CDH12: variants seen among roughly 807,000 people sequenced by gnomAD.
CDH12 encodes cadherin-12.
CDH12 carries 41 observed loss-of-function variants against 74.1 expected under a neutral mutation model. That is an observed-to-expected ratio of 0.55 (90% CI 0.43 to 0.72). The LOEUF is 0.72. Ranked by LOEUF, CDH12 falls within the 30% of genes least tolerant of loss-of-function variation. The probability of loss-of-function intolerance (pLI) is 0.00; values close to 1 mark genes in which losing one functional copy is unlikely to be tolerated. For missense variants in CDH12, 945 were observed against 977.2 expected (o/e 0.97, Z 0.44); for synonymous variants, 399 against 355.0 (o/e 1.12, Z -1.39).
chr5:22,551,294 C>A (rs1738557180), intron 1 of CDH12, among the ~76,000 whole-genome samples: 1 of 152,144 alleles, frequency 6.6e-6, no homozygotes, highest in Non-Finnish European at 1.5e-5. Context: ...AATCTTCTGG[C>A]ACCTTGGTCT....
intron 5 of CDH12, among the ~76,000 whole-genome samples, chr5:22,048,269 A>G (rs1262005357): frequency 6.6e-6 from 1 of 152,234 alleles, no homozygotes; most frequent in Non-Finnish European, 1.5e-5. Context: ...TCCATGTACA[A>G]AGACAAAGGC....
intron 4 of CDH12, among the ~76,000 whole-genome samples, chr5:22,185,865 A>G (rs1749911219): frequency 6.6e-6 from 1 of 152,214 alleles, no homozygotes; most frequent in Admixed American, 6.5e-5. Context: ...GCTAAGGCGT[A>G]TGAAAGGAAG....
chr5:21,827,430 A>G (rs1748741432), intron 8 of CDH12, among the ~76,000 whole-genome samples: 1 of 152,146 alleles, frequency 6.6e-6, no homozygotes, highest in African/African-American at 2.4e-5. Flanking sequence ...AGGTTCTAGA[A>G]GAGGATAGGG....
At chr5:22,055,201 C>A (rs928985575) in intron 5 of CDH12, among the ~76,000 whole-genome samples, 1 of 152,136 alleles carries the variant, frequency 6.6e-6, no homozygotes, top group Non-Finnish European at 1.5e-5. Flanking sequence ...TGGGTTGTTG[C>A]AGTCAGCACT....
intron 1 of CDH12, among the ~76,000 whole-genome samples, chr5:22,595,554 C>T (rs1580800900): frequency 6.6e-6 from 1 of 152,082 alleles, no homozygotes; most frequent in Non-Finnish European, 1.5e-5. Flanking sequence ...ATTTCATATT[C>T]ACTGTAAATT....
At chr5:22,791,923 A>T (rs1361584895) in intron 1 of CDH12, among the ~76,000 whole-genome samples, 1 of 152,174 alleles carries the variant, frequency 6.6e-6, no homozygotes, top group African/African-American at 2.4e-5. Context: ...TTGGGTGGGC[A>T]CACAGAGTCA....
intron 1 of CDH12, among the ~76,000 whole-genome samples, chr5:22,659,308 C>G (rs762629791): frequency 1.7e-4 from 26 of 151,988 alleles, no homozygotes; most frequent in Non-Finnish European, 3.4e-4. Flanking sequence ...ACCTCTATCT[C>G]GAAGCTTGGA....
At chr5:22,462,937 T>TC (rs777668085) in intron 2 of CDH12, among the ~76,000 whole-genome samples, 1 of 152,180 alleles carries the variant, frequency 6.6e-6, no homozygotes, top group Non-Finnish European at 1.5e-5. Context: ...GAAAAATTTG[T>TC]TTCATTAAAG....
intron 4 of CDH12, among the ~76,000 whole-genome samples, chr5:22,211,774 A>AT (rs555800989): frequency 2.0e-5 from 3 of 150,822 alleles, no homozygotes; most frequent in Non-Finnish European, 4.4e-5. Flanking sequence ...CATAAAAAAG[A>AT]TTTTTTTACA....
chr5:22,771,876 G>T (rs770828247), intron 1 of CDH12, among the ~76,000 whole-genome samples: 17 of 151,918 alleles, frequency 1.1e-4, no homozygotes, highest in Non-Finnish European at 1.6e-4. Context: ...TTTGCAATTA[G>T]GTTAGTTCAT....
intron 2 of CDH12, among the ~76,000 whole-genome samples, chr5:22,495,264 G>A (rs1176434826): frequency 2.6e-5 from 4 of 152,080 alleles, no homozygotes; most frequent in Non-Finnish European, 5.9e-5. Flanking sequence ...ATCATATGCA[G>A]CAAAAAACTA....
intron 4 of CDH12, among the ~76,000 whole-genome samples, chr5:22,201,573 A>G (rs1273847553): frequency 1.3e-5 from 2 of 152,138 alleles, no homozygotes; most frequent in Non-Finnish European, 2.9e-5. Flanking sequence ...GGTACAATGT[A>G]TATTATTTGA....
intron 4 of CDH12, among the ~76,000 whole-genome samples, chr5:22,156,988 T>C (rs748673954): frequency 1.3e-5 from 2 of 152,286 alleles, no homozygotes; most frequent in South Asian, 4.1e-4. Flanking sequence ...CAAGTCTCTA[T>C]GCTATCTGAA....
At chr5:22,289,846 G>A (rs1397874807) in intron 3 of CDH12, among the ~76,000 whole-genome samples, 1 of 152,134 alleles carries the variant, frequency 6.6e-6, no homozygotes, top group Non-Finnish European at 1.5e-5. Flanking sequence ...TCCAGTACCT[G>A]AGGAATGAAT....
intron 1 of CDH12, among the ~76,000 whole-genome samples, chr5:22,779,067 A>G: frequency 6.6e-6 from 1 of 152,062 alleles, no homozygotes; most frequent in Non-Finnish European, 1.5e-5. Flanking sequence ...TTTAAGGTTC[A>G]TTTTCTGTTT....
intron 1 of CDH12, among the ~76,000 whole-genome samples, chr5:22,764,871 G>A (rs7704414): frequency 6.6e-6 from 1 of 151,676 alleles, no homozygotes; most frequent in Non-Finnish European, 1.5e-5. Flanking sequence ...GAAAGTCGGA[G>A]AAATTGTTTC....
chr5:22,569,366 C>T (rs1317849128), intron 1 of CDH12, among the ~76,000 whole-genome samples: 4 of 152,184 alleles, frequency 2.6e-5, no homozygotes, highest in Non-Finnish European at 5.9e-5. Flanking sequence ...GACATGCTTG[C>T]TCTTGCCTCA....
intron 1 of CDH12, among the ~76,000 whole-genome samples, chr5:22,507,956 T>G (rs1736453130): frequency 6.6e-6 from 1 of 152,188 alleles, no homozygotes; most frequent in Non-Finnish European, 1.5e-5. Flanking sequence ...GCTAACATCC[T>G]CAAATTTCTT....
chr5:21,977,568 G>T (rs1414170506), intron 5 of CDH12, among the ~76,000 whole-genome samples: 1 of 151,964 alleles, frequency 6.6e-6, no homozygotes, highest in South Asian at 2.1e-4. Flanking sequence ...GATACAAGTA[G>T]AATTTTAAAA....
Sources: allele counts gnomAD v4.1 joint callset (sites outside exome capture counted in the v4.1 genomes callset), GRCh38; gene constraint gnomAD v4.1.1; transcripts MANE v1.5; gene names NCBI Gene and HGNC (gene_info 2026-07-23, HGNC 2026-07-21).